Variants in TASP1 observed in about 807,000 individuals in gnomAD.
The protein encoded by TASP1 is taspase 1.
A neutral mutation model predicts 56.6 loss-of-function variants in TASP1; 16 were observed. The ratio of observed to expected loss-of-function variants is 0.28; its 90% CI spans 0.19 to 0.43. The LOEUF (loss-of-function observed/expected upper bound fraction) is 0.43. TASP1 is among the 20% of genes least tolerant of loss of function. The probability of loss-of-function intolerance (pLI) is 1.00; values close to 1 mark genes in which losing one functional copy is unlikely to be tolerated. For synonymous variants in TASP1, 179 were observed against 184.2 expected (o/e 0.97, Z 0.23); for missense variants, 393 against 511.6 (o/e 0.77, Z 2.24).
the TASP1 span, among the ~76,000 whole-genome samples, chr20:13,193,996 A>G: frequency 6.6e-6 from 1 of 152,152 alleles, no homozygotes; most frequent in Non-Finnish European, 1.5e-5. Context: ...TTTTCAATCT[A>G]TGTAATTTAT....
the TASP1 span, among the ~76,000 whole-genome samples, chr20:13,187,023 G>A: frequency 4.6e-5 from 7 of 152,154 alleles, no homozygotes; most frequent in South Asian, 1.2e-3. Flanking sequence ...TAAGAAGAGA[G>A]ATAAAACTCT....
chr20:13,202,190 T>C, the TASP1 span, among the ~76,000 whole-genome samples: 1 of 152,206 alleles, frequency 6.6e-6, no homozygotes, highest in Non-Finnish European at 1.5e-5. Context: ...GGAGCCCTGA[T>C]TGGTAACATT....
the TASP1 span, among the ~76,000 whole-genome samples, chr20:13,312,557 C>T: frequency 2.6e-5 from 4 of 152,188 alleles, no homozygotes; most frequent in Non-Finnish European, 5.9e-5. Flanking sequence ...GACAGGAGGC[C>T]TCAAACAAGT....
At chr20:13,617,173 A>G (rs558388774) in intron 4 of TASP1, 1 of 410,818 alleles carries the variant, frequency 2.4e-6, no homozygotes, top group South Asian at 1.7e-5. Flanking sequence ...CTCCATAAAC[A>G]GCTGGAATAC....
At chr20:13,390,632 T>A (rs1272634834) in intron 13 of TASP1, among the ~76,000 whole-genome samples, 180 bp from the exon 14 acceptor site, 1 of 152,172 alleles carries the variant, frequency 6.6e-6, no homozygotes, top group Non-Finnish European at 1.5e-5. Flanking sequence ...TTTGTTCAAA[T>A]CGCTCAGGAA....
At chr20:13,502,128 A>G (rs2043969298) in intron 10 of TASP1, among the ~76,000 whole-genome samples, 1 of 152,048 alleles carries the variant, frequency 6.6e-6, no homozygotes, top group Non-Finnish European at 1.5e-5. Context: ...TAAATAGGAA[A>G]TATTTTAATA....
At chr20:13,163,093 C>T in the TASP1 span, among the ~76,000 whole-genome samples, 1 of 152,070 alleles carries the variant, frequency 6.6e-6, no homozygotes, top group Admixed American at 6.6e-5. Flanking sequence ...AGAGGTCGGG[C>T]GCAGTGGCTC....
At chr20:13,528,603 G>A in intron 9 of TASP1, 92 bp from the exon 10 acceptor site, 2 of 1,107,246 alleles carry the variant, frequency 1.8e-6, no homozygotes, top group Non-Finnish European at 2.6e-6. Flanking sequence ...ATAAAGCCTG[G>A]TTTAATAATG....
intron 11 of TASP1, among the ~76,000 whole-genome samples, chr20:13,467,947 C>T (rs113242300): frequency 1.1e-4 from 15 of 141,686 alleles, no homozygotes; most frequent in African/African-American, 3.5e-4. Flanking sequence ...ACCCAGGAGG[C>T]GGAGGGTTCA....
At chr20:13,441,588 AAG>A (rs2043214570) in intron 11 of TASP1, among the ~76,000 whole-genome samples, 2 of 152,194 alleles carry the variant, frequency 1.3e-5, no homozygotes, top group Admixed American at 6.5e-5. Context: ...AGGGTCAGGG[AAG>A]AGAGGATAGA....
intron 8 of TASP1, among the ~76,000 whole-genome samples, chr20:13,541,381 T>C (rs143102842): frequency 6.6e-6 from 1 of 152,276 alleles, no homozygotes; most frequent in African/African-American, 2.4e-5. Context: ...TAAAGACATT[T>C]ATCAATATAT....
At chr20:13,136,366 G>A in the TASP1 span, among the ~76,000 whole-genome samples, 2 of 152,046 alleles carry the variant, frequency 1.3e-5, no homozygotes, top group African/African-American at 2.4e-5. Flanking sequence ...CGAGGCCAAG[G>A]CAGGTGGATC....
chr20:13,170,114 A>G, the TASP1 span, among the ~76,000 whole-genome samples: 6 of 152,290 alleles, frequency 3.9e-5, no homozygotes, highest in East Asian at 1.2e-3. Flanking sequence ...GACACTTACC[A>G]CATGCCAGAC....
chr20:13,622,832 T>C (rs2048761777), intron 4 of TASP1, among the ~76,000 whole-genome samples: 1 of 152,228 alleles, frequency 6.6e-6, no homozygotes, highest in African/African-American at 2.4e-5. Context: ...CAAGTCGATC[T>C]TCTGAAGACC....
At chr20:13,163,612 A>G in the TASP1 span, among the ~76,000 whole-genome samples, 4 of 152,150 alleles carry the variant, frequency 2.6e-5, no homozygotes, top group African/African-American at 4.8e-5. Flanking sequence ...ACAGGGAAGA[A>G]CATTTTAAAT....
the TASP1 span, among the ~76,000 whole-genome samples, chr20:13,200,163 G>A: frequency 2.8e-4 from 42 of 151,894 alleles, no homozygotes; most frequent in Non-Finnish European, 5.3e-4. Context: ...TCAGAAATCA[G>A]GTTAACAACA....
chr20:13,159,129 C>T, the TASP1 span, among the ~76,000 whole-genome samples: 1 of 152,126 alleles, frequency 6.6e-6, no homozygotes, highest in Non-Finnish European at 1.5e-5. Flanking sequence ...AGCCTTTGAG[C>T]TTGATATTCT....
intron 13 of TASP1, among the ~76,000 whole-genome samples, chr20:13,403,645 C>G (rs1044460042): frequency 2.0e-5 from 3 of 152,156 alleles, no homozygotes; most frequent in Non-Finnish European, 4.4e-5. Context: ...AATTCTAAAG[C>G]CCATGCTGTC....
At chr20:13,353,462 T>C in the TASP1 span, among the ~76,000 whole-genome samples, 2 of 152,236 alleles carry the variant, frequency 1.3e-5, no homozygotes. Flanking sequence ...TTTCACATGC[T>C]AGTTATATTT....
Sources: gnomAD v4.1 joint callset for allele counts (sites outside exome capture counted in the v4.1 genomes callset) on GRCh38, gnomAD v4.1.1 for gene constraint, MANE v1.5 for transcripts, NCBI Gene and HGNC (gene_info 2026-07-23, HGNC 2026-07-21) for gene names.